Variants in BCL9 observed in about 807,000 individuals in gnomAD.
BCL9 encodes BCL9 transcription coactivator.
Under a neutral mutation model 88.5 loss-of-function variants are expected in BCL9, and 25 were observed. The observed-to-expected ratio is 0.28, with a 90% CI of 0.21 to 0.39. The LOEUF (loss-of-function observed/expected upper bound fraction) is 0.39, where lower values mean the gene tolerates loss of function less well. Among genes scored for constraint, BCL9 ranks in the 10% least tolerant of loss-of-function variants. BCL9 has a pLI of 1.00. For missense variants in BCL9, 1,817 were observed against 1,877.8 expected (o/e 0.97, Z 0.60); for synonymous variants, 711 against 673.3 (o/e 1.06, Z -0.87).
rs1553202942 is a variant in BCL9, at chr1:147,613,070, G to A, written c.241G>A (p.Gly81Arg). The A allele has an allele frequency of 1.2e-6, 2 of 1,613,648 alleles. No individual in the cohort carries two copies. The highest frequency in any genetic ancestry group is 2.2e-5 in the East Asian group (1 of 44,882). The part of the protein sequence containing the change: ...HTPKALPGPG[G>R]SMGLKNGAGN... ...CCCTAAAGCACTCCCTGGCCCAGGT[G>A]GGAGCATGGGGCTGAAGAATGGGGC... Residue 81 changes from glycine to arginine, a missense_variant, in exon 5 of 10, where the codon GGG becomes AGG. Physicochemically the swap from Gly to Arg is moderately radical, Grantham distance 125 (BLOSUM62 -2). Around this residue, in one of 2 missense-constraint regions of BCL9, gnomAD observed 1,228 missense variants for 1,191.6 expected, o/e 1.03. Transcript: ENST00000234739.
chr1:147,600,090 G>A (rs1257988708), intron 1 of BCL9: 3 of 150,252 alleles, frequency 2.0e-5, no homozygotes, highest in African/African-American at 7.3e-5. Context: ...GGCGGGGGAG[G>A]GCCGAAGGGA....
At chr1:147,618,734 T>C in intron 7 of BCL9, 82 bp from the exon 8 acceptor site, 2 of 1,312,080 alleles carry the variant, frequency 1.5e-6, no homozygotes, top group Non-Finnish European at 1.0e-6. Flanking sequence ...CTGGGGACAA[T>C]TCCTTTATAA....
intron 1 of BCL9, among the ~76,000 whole-genome samples, chr1:147,555,790 G>C (rs1288813007): frequency 6.6e-6 from 1 of 152,094 alleles, no homozygotes; most frequent in African/African-American, 2.4e-5. Context: ...GATGTTTTGT[G>C]GTTGGCTCTC....
At chr1:147,617,678 T>C (rs147422035) in intron 7 of BCL9, among the ~76,000 whole-genome samples, 1 of 152,386 alleles carries the variant, frequency 6.6e-6, no homozygotes, top group Non-Finnish European at 1.5e-5. Context: ...ACGTAATTAT[T>C]TGTTTACATA....
At chr1:147,614,372 T>C in intron 5 of BCL9, 55 bp from the exon 6 acceptor site, 1 of 1,564,112 alleles carries the variant, frequency 6.4e-7, no homozygotes. Flanking sequence ...CTATATATGC[T>C]GGCAGAAGAA....
chr1:147,583,347 G>C (rs931256539), intron 1 of BCL9, among the ~76,000 whole-genome samples: 1 of 151,760 alleles, frequency 6.6e-6, no homozygotes, highest in Non-Finnish European at 1.5e-5. Context: ...GTGCAATCTC[G>C]GCTTATTGCA....
intron 1 of BCL9, among the ~76,000 whole-genome samples, chr1:147,573,558 G>A (rs1407254813): frequency 6.6e-6 from 1 of 152,170 alleles, no homozygotes; most frequent in South Asian, 2.1e-4. Context: ...GTGATTGAGA[G>A]GATAGGCTCC....
intron 1 of BCL9, among the ~76,000 whole-genome samples, chr1:147,583,137 T>C (rs1656443210): frequency 6.6e-6 from 1 of 152,236 alleles, no homozygotes; most frequent in South Asian, 2.1e-4. Context: ...AACTCAGGCA[T>C]TTACATTTTT....
intron 1 of BCL9, among the ~76,000 whole-genome samples, chr1:147,602,232 A>G (rs1386310620): frequency 6.5e-5 from 9 of 137,874 alleles, no homozygotes; most frequent in African/African-American, 2.2e-4. Context: ...TTGTAGATGG[A>G]GTCTCACTCT....
intron 3 of BCL9, among the ~76,000 whole-genome samples, chr1:147,607,714 C>T (rs1398792985): frequency 2.0e-5 from 3 of 152,124 alleles, no homozygotes; most frequent in Non-Finnish European, 4.4e-5. Context: ...TTCCAAATTT[C>T]TGGCATGAGC....
chr1:147,568,187 A>G (rs1416543333), intron 1 of BCL9, among the ~76,000 whole-genome samples: 3 of 152,198 alleles, frequency 2.0e-5, no homozygotes, highest in Admixed American at 6.5e-5. Context: ...ACTTCTCCCA[A>G]TAGGCTGTCA....
intron 1 of BCL9, among the ~76,000 whole-genome samples, chr1:147,599,014 G>A (rs918228297): frequency 6.6e-6 from 1 of 152,218 alleles, no homozygotes; most frequent in Non-Finnish European, 1.5e-5. Flanking sequence ...GGGATACTCA[G>A]GCTTTGACCC....
At chr1:147,603,899 G>A (rs1308727522) in intron 1 of BCL9, among the ~76,000 whole-genome samples, 1 of 151,998 alleles carries the variant, frequency 6.6e-6, no homozygotes, top group Non-Finnish European at 1.5e-5. Context: ...TTTTTTAAAT[G>A]CACAAAATAA....
chr1:147,596,755 T>G (rs953918518), intron 1 of BCL9, among the ~76,000 whole-genome samples: 6 of 152,300 alleles, frequency 3.9e-5, no homozygotes, highest in African/African-American at 1.4e-4. Context: ...TATTCCATTC[T>G]AACCCATCAT....
chr1:147,599,346 T>G (rs2101585860), intron 1 of BCL9, among the ~76,000 whole-genome samples: 1 of 152,146 alleles, frequency 6.6e-6, no homozygotes, highest in South Asian at 2.1e-4. Context: ...CCCGAAGGTG[T>G]GAGGAGGTGG....
chr1:147,586,979 C>G (rs1051439282), intron 1 of BCL9, among the ~76,000 whole-genome samples: 2 of 151,868 alleles, frequency 1.3e-5, no homozygotes, highest in African/African-American at 4.8e-5. Context: ...AGCATAGGCC[C>G]TTTACACATA....
In BCL9 at chr1:147,624,490, C is replaced by T. The variant is rs1658828797; in HGVS notation, c.3812C>T (p.Ser1271Leu). Residue 1271 changes from serine (S) to leucine (L), a missense_variant, in exon 10 of 10, where the codon TCA becomes TTA. By Grantham distance (145) the Ser-to-Leu change is moderately radical. Around this residue, in one of 2 missense-constraint regions of BCL9, gnomAD observed 589 missense variants for 686.2 expected, o/e 0.86. Coordinates refer to ENST00000234739, the MANE Select transcript of BCL9 (RefSeq NM_004326.4). This position sits in a 1 kb window ranked among gnomAD's most constrained non-coding sequence, Gnocchi z 4.4. Reference sequence around the variant, plus strand: ...CCCCAGGGTCCTGGACCTGGGTTTTCACACATGCAGGGGATGATGGGCGAA... The same window carrying T: ...CCCCAGGGTCCTGGACCTGGGTTTTTACACATGCAGGGGATGATGGGCGAA... The part of the protein sequence containing the change: ...KQPQGPGPGF[S>L]HMQGMMGEQA... 6.2e-7 allele frequency: 1 copy of T among 1,614,096 alleles called. No individual in the cohort carries two copies. The highest frequency in any genetic ancestry group is 1.3e-5 in the African/African-American group (1 of 74,934).
At chr1:147,588,387 C>CA (rs1372733664) in intron 1 of BCL9, among the ~76,000 whole-genome samples, 1 of 151,736 alleles carries the variant, frequency 6.6e-6, no homozygotes, top group East Asian at 2.0e-4. Flanking sequence ...CTTAAACTCT[C>CA]AGATTCTTAT....
chr1:147,600,966 T>C (rs1399270019), intron 1 of BCL9, among the ~76,000 whole-genome samples: 2 of 152,070 alleles, frequency 1.3e-5, no homozygotes, highest in African/African-American at 4.8e-5. Context: ...ATGTCACTGA[T>C]GAGTGTTGGG....
Sources: gnomAD v4.1 joint callset for allele counts (sites outside exome capture counted in the v4.1 genomes callset) on GRCh38, gnomAD v4.1.1 for gene constraint, gnomAD v4.1.1 regional missense constraint, Gnocchi (gnomAD v3.1) non-coding constraint, MANE v1.5 for transcripts, NCBI Gene and HGNC (gene_info 2026-07-23, HGNC 2026-07-21) for gene names.